The following FN1 variants were observed in gnomAD, a reference collection of about 807,000 sequenced individuals.
FN1 encodes the protein fibronectin 1.
In FN1, 106 loss-of-function variants were observed where a neutral mutation model predicts 297.3. The ratio of observed to expected loss-of-function variants is 0.36; its 90% CI spans 0.30 to 0.42. The LOEUF (loss-of-function observed/expected upper bound fraction) is 0.42, where lower values mean the gene tolerates loss of function less well. Ranked by LOEUF, FN1 falls within the 10% of genes least tolerant of loss-of-function variation. FN1 has a pLI of 1.00. For missense variants in FN1, 2,690 were observed against 3,124.9 expected (o/e 0.86, Z 3.32); for synonymous variants, 1,149 against 1,152.6 (o/e 1.00, Z 0.06).
In FN1 at chr2:215,408,162, C is replaced by T; in HGVS notation, c.2464G>A (p.Val822Ile). Residue 822 changes from valine to isoleucine, a missense_variant, in exon 17 of 46, where the codon GTT becomes ATT. By Grantham distance (29) the Val-to-Ile change is conservative (BLOSUM62 3). This residue lies in a region of FN1 where 876 missense variants were observed against 1,058.1 expected (regional missense o/e 0.83). Transcript: ENST00000354785. ...CGAACAACAATTGAGGTGTCATCAA[C>T]TTGGTCCACAGTCGTGTCAGGAGGG... is the stretch of plus-strand genomic sequence containing the variant. ...DAPPDTTVDQ[V>I]DDTSIVVRWS... The T allele has an allele frequency of 1.2e-6, 2 of 1,614,108 alleles. No homozygotes were observed. The highest frequency in any genetic ancestry group is 1.7e-6 in the Non-Finnish European group (2 of 1,180,028).
At chr2:215,370,465 A>G (rs752181422) in intron 40 of FN1, 33 bp from the exon 41 acceptor site, 1 of 1,607,566 alleles carries the variant, frequency 6.2e-7, no homozygotes, top group South Asian at 1.1e-5. Flanking sequence ...AGCAGAGAGA[A>G]AGCATTATAG....
At chr2:215,388,388 A>C (rs1176557161) in intron 26 of FN1, 87 bp from the exon 27 acceptor site, 1 of 941,252 alleles carries the variant, frequency 1.1e-6, no homozygotes, top group Non-Finnish European at 1.7e-6. Flanking sequence ...AACTGATGAA[A>C]TATCCAAATG....
chr2:215,432,339 C>CA (rs1158599971), intron 3 of FN1, among the ~76,000 whole-genome samples: 1 of 152,192 alleles, frequency 6.6e-6, no homozygotes, highest in Non-Finnish European at 1.5e-5. Flanking sequence ...TCAGGCACAG[C>CA]ACTCCAGCTT....
intron 26 of FN1, 43 bp from the exon 27 acceptor site, chr2:215,388,344 G>T: frequency 7.0e-7 from 1 of 1,430,728 alleles, no homozygotes. Flanking sequence ...CTGCTCAAAA[G>T]CATGAGAAAC....
At chr2:215,409,854 G>A (rs2062334725) in intron 14 of FN1, 80 bp downstream of exon 14, 9 of 1,595,376 alleles carry the variant, frequency 5.6e-6, no homozygotes, top group Middle Eastern at 1.7e-4. Flanking sequence ...AATATGAATT[G>A]AGAAGGAAAG....
intron 44 of FN1, 108 bp from the exon 45 acceptor site, chr2:215,362,187 T>G: frequency 1.3e-6 from 1 of 757,394 alleles, no homozygotes; most frequent in Non-Finnish European, 2.3e-6. Flanking sequence ...ACTGGCAAAA[T>G]ATAAGCAGTT....
intron 3 of FN1, among the ~76,000 whole-genome samples, chr2:215,432,612 T>C (rs192561826): frequency 5.3e-5 from 8 of 152,336 alleles, no homozygotes; most frequent in African/African-American, 1.7e-4. Context: ...TTCTTTTGAA[T>C]AGAAGTCTTT....
chr2:215,388,395 A>C, intron 26 of FN1, 94 bp from the exon 27 acceptor site: 1 of 892,778 alleles, frequency 1.1e-6, no homozygotes, highest in Non-Finnish European at 1.9e-6. Context: ...GAAATATCCA[A>C]ATGTCCAGTC....
chr2:215,375,641 C>A lies in FN1; in HGVS notation c.5965G>T (p.Asp1989Tyr). 1.2e-6 allele frequency: 2 copies of A among 1,609,918 alleles called. No homozygotes were observed. Among genetic ancestry groups the A allele is most frequent in the South Asian group, 1.1e-5 (1 of 90,970 alleles). Residue 1989 changes from aspartate to tyrosine, a missense_variant, in exon 37 of 46, where the codon GAC becomes TAC. By Grantham distance (160) the Asp-to-Tyr change is radical. This residue lies in a region of FN1 where 1,743 missense variants were observed against 1,945.2 expected (regional missense o/e 0.90). Transcript: ENST00000354785. Reference sequence around the variant, plus strand: ...AAGGTATAGTTACCAGTGGAGGCGTCGATGACCACAGGGGAGCTCCGAGCA... The same window carrying A: ...AAGGTATAGTTACCAGTGGAGGCGTAGATGACCACAGGGGAGCTCCGAGCA... ...DNARSSPVVI[D>Y]ASTAIDAPSN... is the part of the protein sequence containing the mutation.
chr2:215,394,275 C>A (rs919258030), intron 24 of FN1, among the ~76,000 whole-genome samples: 7 of 152,170 alleles, frequency 4.6e-5, no homozygotes, highest in African/African-American at 1.7e-4. Context: ...AGAGTTAAAG[C>A]CATGGCTGCC....
At chr2:215,390,618 G>A (rs1342669319) in intron 26 of FN1, among the ~76,000 whole-genome samples, 1 of 152,200 alleles carries the variant, frequency 6.6e-6, no homozygotes, top group Non-Finnish European at 1.5e-5. Context: ...CTACGGCTAA[G>A]GGACAGACAT....
At chr2:215,384,260 C>T (rs1209815722) in intron 29 of FN1, 76 bp from the exon 30 acceptor site, 2 of 1,337,974 alleles carry the variant, frequency 1.5e-6, no homozygotes, top group Non-Finnish European at 2.2e-6. Context: ...TGAATTACCA[C>T]ATTTATAGCA....
intron 41 of FN1, among the ~76,000 whole-genome samples, chr2:215,369,222 A>C (rs2055320822): frequency 6.6e-6 from 1 of 151,932 alleles, no homozygotes; most frequent in South Asian, 2.1e-4. Context: ...CTTTAAAAAA[A>C]AAAAAAAAAA....
At position 215,433,272 on chromosome 2, in the gene FN1, G is replaced by A; in HGVS notation, c.415+52C>T. On this transcript the variant is annotated intron_variant, in intron 3 of 45. Coordinates refer to ENST00000354785, the MANE Select transcript of FN1 (RefSeq NM_212482.4). ...ACAGAAAATGACAGTGATGGTAACA[G>A]AGAAATTCATATTTGATATTTTGGC... 5 of 1,603,804 alleles carry A rather than the reference G, an allele frequency of 3.1e-6. No individual in the cohort carries two copies. The Admixed American group carries it at 8.3e-5, about 27-fold the overall frequency.
intron 39 of FN1, 73 bp downstream of exon 39, chr2:215,373,249 C>T (rs2056591535): frequency 2.5e-6 from 3 of 1,191,368 alleles, no homozygotes; most frequent in Non-Finnish European, 3.8e-6. Flanking sequence ...AGAACCTTTT[C>T]ATATTGCAAG....
intron 40 of FN1, among the ~76,000 whole-genome samples, chr2:215,371,125 G>A (rs1431610116): frequency 6.6e-6 from 1 of 151,998 alleles, no homozygotes; most frequent in Non-Finnish European, 1.5e-5. Flanking sequence ...AAAATTAGCT[G>A]GGTGCGGTGG....
chr2:215,412,760 C>CTTTTTTTTTTTTTTTTTTTTTTTTT (rs10524797), intron 13 of FN1, among the ~76,000 whole-genome samples: 6 of 97,570 alleles, frequency 6.1e-5, no homozygotes, highest in Admixed American at 9.7e-5. Context: ...TATTAAGTAT[C>CTTTTTTTTTTTTTTTTTTTTTTTTT]TTTTTTTTTT....
At position 215,404,623 on chromosome 2, in the gene FN1, T is replaced by A. The variant is rs768650910; in HGVS notation, c.3019A>T (p.Asn1007Tyr). The A allele has an allele frequency of 6.2e-7, 1 of 1,613,896 alleles. No individual in the cohort carries two copies. The highest frequency in any genetic ancestry group is 1.1e-5 in the South Asian group (1 of 91,086). ...LDAPTNLQFV[N>Y]ETDSTVLVRW... Reference sequence around the variant, plus strand: ...ACCAGGACAGTAGAATCAGTTTCATTGACAAACTGGAGGTTAGTGGGAGCA... The same window carrying A: ...ACCAGGACAGTAGAATCAGTTTCATAGACAAACTGGAGGTTAGTGGGAGCA... The change falls in exon 20 of 46, where the codon AAT (asparagine) becomes TAT (tyrosine). Residue 1007 changes from asparagine to tyrosine, a missense_variant. This residue lies in a region of FN1 where 1,743 missense variants were observed against 1,945.2 expected (regional missense o/e 0.90). Transcript: ENST00000354785.
chr2:215,376,791 C>G, intron 35 of FN1, 117 bp from the exon 36 acceptor site: 1 of 841,350 alleles, frequency 1.2e-6, no homozygotes, highest in Non-Finnish European at 1.9e-6. Context: ...AAATATATAA[C>G]TAGTAATGTG....
Sources: allele counts gnomAD v4.1 joint callset (sites outside exome capture counted in the v4.1 genomes callset), GRCh38; gene constraint gnomAD v4.1.1; regional missense constraint gnomAD v4.1.1; transcripts MANE v1.5; gene names NCBI Gene and HGNC (gene_info 2026-07-23, HGNC 2026-07-21).